The following ACOT13 variants were observed in gnomAD, a reference collection of about 807,000 sequenced individuals.
ACOT13 encodes acyl-CoA thioesterase 13.
In ACOT13, 10 loss-of-function variants were observed where a neutral mutation model predicts 11.8. That is an observed-to-expected ratio of 0.85 (90% CI 0.53 to 1.44). The LOEUF (loss-of-function observed/expected upper bound fraction) is 1.44, where lower values mean the gene tolerates loss of function less well. Ranked by LOEUF, ACOT13 falls within the 40% of genes most tolerant of loss-of-function variation. ACOT13 has a pLI of 0.00. For synonymous variants in ACOT13, 53 were observed against 61.0 expected (o/e 0.87, Z 0.61); for missense variants, 172 against 174.1 (o/e 0.99, Z 0.07).
Position 24,701,624 on chromosome 6 carries a change from C to T in ACOT13, c.*9C>T, listed in dbSNP as rs746844055. On this transcript the variant is annotated 3_prime_UTR_variant, in exon 3 of 3. Transcript: ENST00000230048. ...AACACCTGGGAAACTGAGAGAACAGCAGAATGACCTAAAGAAACCCAACAA... is the reference window on the plus strand; with the variant it reads ...AACACCTGGGAAACTGAGAGAACAGTAGAATGACCTAAAGAAACCCAACAA... 6 of 1,602,172 alleles carry T rather than the reference C, an allele frequency of 3.7e-6. No individual in the cohort carries two copies. The South Asian group carries it at 6.7e-5, about 18-fold the overall frequency.
intron 1 of ACOT13, among the ~76,000 whole-genome samples, chr6:24,673,825 T>A (rs997692418): frequency 5.9e-5 from 9 of 152,228 alleles, no homozygotes; most frequent in Non-Finnish European, 1.0e-4. Context: ...ACAATTTTTT[T>A]AAAACAAATC....
At chr6:24,690,276 C>A (rs1778701059) in intron 1 of ACOT13, among the ~76,000 whole-genome samples, 1 of 152,170 alleles carries the variant, frequency 6.6e-6, no homozygotes, top group Admixed American at 6.5e-5. Flanking sequence ...TTTGCGCTTT[C>A]CCTCTTTAAA....
rs1181746885 is a variant in ACOT13 at position 24,697,780 on chromosome 6, A to C, written c.82-103A>C. 5.4e-6 allele frequency: 5 copies of C among 922,524 alleles called. No individual in the cohort carries two copies. The East Asian group carries it at 1.5e-4, about 27-fold the overall frequency. 57.1% of individuals were successfully genotyped at this position (922,524 alleles called of 1,614,324 possible). A position where few individuals can be genotyped will look rare whatever the true frequency, so the allele number is the denominator to read the frequency against. On this transcript the variant is annotated intron_variant, in intron 1 of 2. Coordinates refer to ENST00000230048, the MANE Select transcript of ACOT13 (RefSeq NM_018473.4). Reference sequence around the variant, plus strand: ...GCAATTTACTTGAATTTCTGAGTCAACTTTTTTCAGAAGATTCAGTTCAAT... The same window carrying C: ...GCAATTTACTTGAATTTCTGAGTCACCTTTTTTCAGAAGATTCAGTTCAAT...
Position 24,701,708 on chromosome 6 carries a change from A to AC in ACOT13, c.*95dup. The AC allele has an allele frequency of 2.3e-6, 3 of 1,305,260 alleles. No individual in the cohort carries two copies. The South Asian group carries it at 5.0e-5, about 22-fold the overall frequency. The allele number at this position is 1,305,260 out of a possible 1,614,324, so 80.9% of individuals were successfully genotyped here. A position where few individuals can be genotyped will look rare whatever the true frequency, so the allele number is the denominator to read the frequency against. ...GTAATTTTTGAAATAAACTAGCAAA[A>AC]CCAGAAGCAGCTAGAAATATTCTTG... On this transcript the variant is annotated 3_prime_UTR_variant, in exon 3 of 3. Transcript: ENST00000230048.
chr6:24,698,121 A>C, intron 2 of ACOT13, 54 bp downstream of exon 2: 1 of 1,427,496 alleles, frequency 7.0e-7, no homozygotes, highest in South Asian at 1.5e-5. Flanking sequence ...TGTCTAAACA[A>C]CTGAGACTAA....
At chr6:24,678,534 T>C (rs1778493541) in intron 1 of ACOT13, among the ~76,000 whole-genome samples, 1 of 152,116 alleles carries the variant, frequency 6.6e-6, no homozygotes, top group Non-Finnish European at 1.5e-5. Context: ...GGAGGTAGAA[T>C]CCTTTAATTT....
chr6:24,689,018 AAC>A (rs1778680846), intron 1 of ACOT13, among the ~76,000 whole-genome samples: 1 of 152,180 alleles, frequency 6.6e-6, no homozygotes, highest in South Asian at 2.1e-4. Context: ...TGCAAATTAA[AAC>A]CATGAGATAC....
chr6:24,697,888 T>A lies in ACOT13; in HGVS notation c.87T>A (p.Thr29=). The change falls in exon 2 of 3, where the codon ACT becomes ACA. Residue 29 remains threonine (T), a synonymous_variant. Transcript: ENST00000230048. ...ATTCTTTTTTTTACACTTAGATTAC[T>A]CTTGTCTCTGCTGCTCCTGGGAAAG... ...RNFERVLGKI[T]LVSAAPGKVI... 1 of 1,604,242 alleles carries A rather than the reference T, an allele frequency of 6.2e-7. No individual in the cohort carries two copies.
Position 24,697,932 on chromosome 6 carries a change from TAGA to T in ACOT13, c.138_140del (p.Glu47del), listed in dbSNP as rs572706204. On this transcript the variant is annotated inframe_deletion, in exon 2 of 3. Coordinates refer to ENST00000230048, the MANE Select transcript of ACOT13 (RefSeq NM_018473.4). Reference sequence around the variant, plus strand: ...GGGAAAGTGATTTGTGAAATGAAAGTAGAAGAAGAGCATACCAATGCAATAGGC... The same window carrying T: ...GGGAAAGTGATTTGTGAAATGAAAGTAGAAGAGCATACCAATGCAATAGGC... 408 of 1,613,324 alleles carry T rather than the reference TAGA, an allele frequency of 2.5e-4. 3 individuals carry two copies. In the South Asian group the frequency reaches 3.7e-3, roughly 15 times the overall value.
chr6:24,683,486 A>C (rs1027439625), intron 1 of ACOT13, among the ~76,000 whole-genome samples: 16 of 151,892 alleles, frequency 1.1e-4, no homozygotes, highest in African/African-American at 3.9e-4. Flanking sequence ...CAGTGAGCCG[A>C]GATTGTGCTG....
Position 24,697,979 on chromosome 6 carries a change from A to G in ACOT13, c.178A>G (p.Thr60Ala). The change falls in exon 2 of 3, where the codon ACA becomes GCA. Residue 60 changes from threonine to alanine, a missense_variant. Coordinates refer to ENST00000230048, the MANE Select transcript of ACOT13 (RefSeq NM_018473.4). ...AATAGGCACTCTCCACGGCGGTTTG[A>G]CAGCCACGTTAGTAGATAACATATC... Reference protein sequence around the residue: ...NAIGTLHGGLTATLVDNISTM... With the variant: ...NAIGTLHGGLAATLVDNISTM... 1 of 1,614,062 alleles carries G rather than the reference A, an allele frequency of 6.2e-7. No homozygotes were observed. The highest frequency in any genetic ancestry group is 8.5e-7 in the Non-Finnish European group (1 of 1,179,980).
At chr6:24,682,963 G>C (rs1337304656) in intron 1 of ACOT13, among the ~76,000 whole-genome samples, 1 of 152,156 alleles carries the variant, frequency 6.6e-6, no homozygotes, top group Non-Finnish European at 1.5e-5. Context: ...TGCCTAATTA[G>C]CATTTTAGTG....
intron 1 of ACOT13, among the ~76,000 whole-genome samples, chr6:24,683,042 C>T (rs1416044764): frequency 6.6e-6 from 1 of 152,176 alleles, no homozygotes; most frequent in Non-Finnish European, 1.5e-5. Context: ...CGGTCACCTT[C>T]CCAGCTAGGC....
intron 1 of ACOT13, among the ~76,000 whole-genome samples, chr6:24,677,099 G>A (rs537047564): frequency 4.6e-4 from 70 of 152,234 alleles, no homozygotes; most frequent in African/African-American, 1.4e-3. Flanking sequence ...TGCATACCCC[G>A]CTTTTCAAAG....
chr6:24,685,817 T>C (rs900615579), intron 1 of ACOT13, among the ~76,000 whole-genome samples: 1 of 152,194 alleles, frequency 6.6e-6, no homozygotes, highest in East Asian at 1.9e-4. Context: ...TGTACAAATC[T>C]GTGCCCTATT....
chr6:24,680,895 A>AT (rs1778537684), intron 1 of ACOT13, among the ~76,000 whole-genome samples: 1 of 152,204 alleles, frequency 6.6e-6, no homozygotes, highest in Non-Finnish European at 1.5e-5. Flanking sequence ...GAGGAGACCA[A>AT]TTATTAGGCA....
At chr6:24,700,818 GTTTC>G (rs1336537709) in intron 2 of ACOT13, 9 of 152,088 alleles carry the variant, frequency 5.9e-5, no homozygotes, top group Admixed American at 2.0e-4. Context: ...CTTTTTAAAG[GTTTC>G]TTTCTAAAAA....
At chr6:24,684,284 T>C (rs1048731829) in intron 1 of ACOT13, among the ~76,000 whole-genome samples, 6 of 152,250 alleles carry the variant, frequency 3.9e-5, no homozygotes, top group Admixed American at 3.9e-4. Flanking sequence ...CTTTGAAAGA[T>C]AAGTTATCCA....
chr6:24,691,617 A>C (rs1376667566), intron 1 of ACOT13, among the ~76,000 whole-genome samples: 1 of 152,108 alleles, frequency 6.6e-6, no homozygotes, highest in African/African-American at 2.4e-5. Context: ...GAAAGATATC[A>C]CTGAAACAGT....
Sources: allele counts gnomAD v4.1 joint callset (sites outside exome capture counted in the v4.1 genomes callset), GRCh38; gene constraint gnomAD v4.1.1; transcripts MANE v1.5; gene names NCBI Gene and HGNC (gene_info 2026-07-23, HGNC 2026-07-21).